SLCO4C1: variants seen among roughly 807,000 people sequenced by gnomAD.
SLCO4C1 encodes the protein organic anion transporter M1.
Under a neutral mutation model 72.1 loss-of-function variants are expected in SLCO4C1, and 58 were observed. The observed-to-expected ratio is 0.80, with a 90% CI of 0.65 to 1.00. The LOEUF is 1.00. Ranked by LOEUF, SLCO4C1 falls within the 50% of genes least tolerant of loss-of-function variation. The pLI is 0.00. For synonymous variants in SLCO4C1, 297 were observed against 312.5 expected, an observed-to-expected ratio of 0.95 and a Z score of 0.52; for missense variants, 898 against 857.9, an observed-to-expected ratio of 1.05 and a Z score of -0.58.
rs1262717538 is a variant in SLCO4C1 at position 102,235,500 on chromosome 5, G to T, written c.*1358C>A. The T allele has an allele frequency of 6.6e-6, 1 of 152,170 alleles. No homozygotes were observed. The highest frequency in any genetic ancestry group is 1.5e-5 in the Non-Finnish European group (1 of 68,030). The allele number at this position is 152,170 out of a possible 1,614,324, so 9.4% of individuals were successfully genotyped here. A position where few individuals can be genotyped will look rare whatever the true frequency, so the allele number is the denominator to read the frequency against. ...CATAAATCTGACCTGAATAAACAGG[G>T]TTATAACATTATCAGGCTTGTAAAA... On this transcript the variant is annotated 3_prime_UTR_variant, in exon 13 of 13. Coordinates refer to ENST00000310954, the MANE Select transcript of SLCO4C1 (RefSeq NM_180991.5).
chr5:102,289,341 T>C (rs1307076615), intron 2 of SLCO4C1, among the ~76,000 whole-genome samples: 1 of 152,174 alleles, frequency 6.6e-6, no homozygotes, highest in East Asian at 1.9e-4. Flanking sequence ...ACTCCAGGTA[T>C]AAATGGCAAG....
At chr5:102,277,738 T>C (rs1048951163) in intron 2 of SLCO4C1, among the ~76,000 whole-genome samples, 1 of 143,240 alleles carries the variant, frequency 7.0e-6, no homozygotes. Context: ...CAGAACAGCG[T>C]CAAGTAGTTA....
At chr5:102,280,606 T>C (rs1749336738) in intron 2 of SLCO4C1, among the ~76,000 whole-genome samples, 1 of 152,106 alleles carries the variant, frequency 6.6e-6, no homozygotes, top group Non-Finnish European at 1.5e-5. Context: ...AGATACTACC[T>C]GAAACTGGGT....
intron 2 of SLCO4C1, among the ~76,000 whole-genome samples, chr5:102,278,530 T>A (rs1406618837): frequency 6.6e-6 from 1 of 152,138 alleles, no homozygotes. Context: ...AATAGCAAAA[T>A]ACATTTTCTT....
chr5:102,265,325 T>C (rs1201212991), intron 3 of SLCO4C1, among the ~76,000 whole-genome samples: 2 of 152,142 alleles, frequency 1.3e-5, no homozygotes, highest in African/African-American at 4.8e-5. Context: ...TAGCTTGATA[T>C]AGCCCCATTT....
At chr5:102,291,937 T>C (rs1749564631) in intron 1 of SLCO4C1, among the ~76,000 whole-genome samples, 1 of 152,134 alleles carries the variant, frequency 6.6e-6, no homozygotes, top group Non-Finnish European at 1.5e-5. Context: ...TTCTCCTGCC[T>C]CAGGCTCTGG....
intron 8 of SLCO4C1, among the ~76,000 whole-genome samples, chr5:102,253,283 A>C (rs933519225): frequency 1.3e-5 from 2 of 152,324 alleles, no homozygotes; most frequent in African/African-American, 4.8e-5. Flanking sequence ...TATTCATGCA[A>C]TCGAATTTAG....
chr5:102,238,649 T>C (rs1274918471), intron 12 of SLCO4C1, among the ~76,000 whole-genome samples: 2 of 152,172 alleles, frequency 1.3e-5, no homozygotes, highest in Admixed American at 1.3e-4. Flanking sequence ...CCTAGGTTAT[T>C]ATTCAAATTT....
At chr5:102,266,143 A>C (rs569212338) in intron 3 of SLCO4C1, among the ~76,000 whole-genome samples, 3 of 152,244 alleles carry the variant, frequency 2.0e-5, no homozygotes, top group Admixed American at 6.5e-5. Flanking sequence ...TGATTTTTTT[A>C]ATGTGACTTT....
chr5:102,289,690 T>C (rs1749519100), intron 2 of SLCO4C1, among the ~76,000 whole-genome samples: 1 of 152,250 alleles, frequency 6.6e-6, no homozygotes. Flanking sequence ...TGAAATTATG[T>C]CAAGTTGCCT....
At chr5:102,255,825 C>T (rs1748824257) in intron 8 of SLCO4C1, among the ~76,000 whole-genome samples, 1 of 152,074 alleles carries the variant, frequency 6.6e-6, no homozygotes, top group Non-Finnish European at 1.5e-5. Flanking sequence ...TATTTGTTCA[C>T]TGTTTTCTTT....
At position 102,261,776 on chromosome 5, in the gene SLCO4C1, A is replaced by C. The variant is rs188053747; in HGVS notation, c.1021+136T>G. Reference sequence around the variant, plus strand: ...TATTTTCTAGAATGAAGAATATTCAAAAGTTTACATAGGCAGACAGTTGAG... The same window carrying C: ...TATTTTCTAGAATGAAGAATATTCACAAGTTTACATAGGCAGACAGTTGAG... On this transcript the variant is annotated intron_variant, in intron 5 of 12. Transcript: ENST00000310954. The C allele has an allele frequency of 9.7e-4, 831 of 860,146 alleles. 6 individuals carry two copies. In the African/African-American group the frequency reaches 0.013, roughly 14 times the overall value. The allele number at this position is 860,146 out of a possible 1,614,324, so 53.3% of individuals were successfully genotyped here.
intron 10 of SLCO4C1, among the ~76,000 whole-genome samples, chr5:102,246,169 A>G (rs1018034090): frequency 6.6e-6 from 1 of 152,046 alleles, no homozygotes; most frequent in Admixed American, 6.6e-5. Context: ...GAAGAAAGGA[A>G]ATAATGATCT....
At position 102,244,660 on chromosome 5, in the gene SLCO4C1, TA is replaced by T. The variant is rs145023176; in HGVS notation, c.1811+2591del. 6.6e-3 allele frequency among the ~76,000 whole-genome samples: 1,007 copies of T among 152,092 alleles called. 15 individuals are homozygous for T. The highest frequency in any genetic ancestry group is 0.024 in the African/African-American group (977 of 41,508). ...AAACTAGCAAGAGAAAAGAAACAAA[TA>T]ACATACAGTGGAGCCTCAATACATC... On this transcript the variant is annotated intron_variant, in intron 10 of 12. Transcript: ENST00000310954.
intron 2 of SLCO4C1, among the ~76,000 whole-genome samples, chr5:102,285,279 ATTTT>A (rs976206860): frequency 2.0e-5 from 3 of 151,268 alleles, no homozygotes; most frequent in Non-Finnish European, 4.4e-5. Flanking sequence ...ACACATATAT[ATTTT>A]TTTTTGTTTG....
At chr5:102,286,961 C>T (rs1489079107) in intron 2 of SLCO4C1, among the ~76,000 whole-genome samples, 1 of 151,978 alleles carries the variant, frequency 6.6e-6, no homozygotes. Flanking sequence ...CAGAGATTAT[C>T]CCATCCAAAG....
intron 3 of SLCO4C1, 116 bp downstream of exon 3, chr5:102,270,508 G>T: frequency 4.1e-6 from 3 of 729,708 alleles, no homozygotes; most frequent in Non-Finnish European, 6.1e-6. Context: ...TTTATTTATT[G>T]GGAAAACCTA....
Position 102,270,646 on chromosome 5 carries a change from T to C in SLCO4C1, c.780A>G (p.Thr260=). 6.2e-7 allele frequency: 1 copy of C among 1,611,976 alleles called. No homozygotes were observed. Among genetic ancestry groups the C allele is most frequent in the Non-Finnish European group, 8.5e-7 (1 of 1,179,004 alleles). Residue 260 remains threonine, a synonymous_variant, in exon 3 of 13, where the codon ACA becomes ACG. Coordinates refer to ENST00000310954, the MANE Select transcript of SLCO4C1 (RefSeq NM_180991.5). ...GTAFLDDSVP[T]HKSSLYIGTG... ...TACCTATATAGAGAGAAGACTTGTG[T>C]GTGGGCACAGAATCATCAAGAAAGG...
chr5:102,252,259 A>C (rs1348916389), intron 8 of SLCO4C1, among the ~76,000 whole-genome samples: 1 of 152,164 alleles, frequency 6.6e-6, no homozygotes, highest in East Asian at 1.9e-4. Flanking sequence ...GATAACCGAC[A>C]CTGTGTTGGA....
Sources: gnomAD v4.1 joint callset for allele counts (sites outside exome capture counted in the v4.1 genomes callset) on GRCh38, gnomAD v4.1.1 for gene constraint, MANE v1.5 for transcripts, NCBI Gene and HGNC (gene_info 2026-07-23, HGNC 2026-07-21) for gene names.